The following ATP13A2 variants were observed in gnomAD, a reference collection of about 807,000 sequenced individuals.
The protein encoded by ATP13A2 is polyamine-transporting ATPase 13A2.
A neutral mutation model predicts 138.3 loss-of-function variants in ATP13A2; 83 were observed. The observed-to-expected ratio is 0.60, with a 90% CI of 0.50 to 0.72. ATP13A2 has a LOEUF of 0.72. Among genes scored for constraint, ATP13A2 ranks in the 30% least tolerant of loss-of-function variants. The pLI, the probability that ATP13A2 is intolerant of heterozygous loss-of-function variation, is 0.00. For missense variants in ATP13A2, 1,402 were observed against 1,606.4 expected, an observed-to-expected ratio of 0.87 and a Z score of 2.17; for synonymous variants, 663 against 699.0, an observed-to-expected ratio of 0.95 and a Z score of 0.81.
chr1:16,996,569 C>G (rs370050112), intron 12 of ATP13A2, 73 bp from the exon 13 acceptor site: 1 of 1,189,056 alleles, frequency 8.4e-7, no homozygotes, highest in Non-Finnish European at 1.2e-6. Context: ...CTAGCCCTCC[C>G]GACCCGTGCC....
At position 16,986,913 on chromosome 1, in the gene ATP13A2, G is replaced by C. The variant is rs1313746036; in HGVS notation, c.3127C>G (p.Pro1043Ala). The change falls in exon 27 of 29, where the codon CCC becomes GCC. Residue 1043 changes from proline to alanine, a missense_variant. Coordinates refer to ENST00000326735, the MANE Select transcript of ATP13A2 (RefSeq NM_022089.4). This position sits in a 1 kb window ranked among gnomAD's most constrained non-coding sequence, Gnocchi z 6.9. Reference sequence around the variant, plus strand: ...AAGACCACGGTGTTCTCGTAGTTGGGCAGGTTGTCTGGTGCGGCCACTGTC... The same window carrying C: ...AAGACCACGGTGTTCTCGTAGTTGGCCAGGTTGTCTGGTGCGGCCACTGTC... ...NRTVAAPDNL[P>A]NYENTVVFSL... The C allele has an allele frequency of 6.2e-7, 1 of 1,613,962 alleles. No homozygotes were observed. The highest frequency in any genetic ancestry group is 1.3e-5 in the African/African-American group (1 of 74,894).
intron 2 of ATP13A2, 22 bp downstream of exon 2, chr1:17,005,662 C>A (rs1241495645): frequency 6.2e-7 from 1 of 1,613,412 alleles, no homozygotes; most frequent in Non-Finnish European, 8.5e-7. Context: ...CAGCTTTTCC[C>A]CACCCCACTC....
rs762033589 is a variant in ATP13A2 at position 16,997,112 on chromosome 1, G to GTC, written c.1101_1102dup (p.Thr368ArgfsTer29). The GTC allele has an allele frequency of 6.2e-7, 1 of 1,613,832 alleles. No individual in the cohort carries two copies. Among genetic ancestry groups the GTC allele is most frequent in the South Asian group, 1.1e-5 (1 of 91,092 alleles). On this transcript the variant is annotated frameshift_variant, in exon 12 of 29. Coordinates refer to ENST00000326735, the MANE Select transcript of ATP13A2 (RefSeq NM_022089.4). LOFTEE classifies it high-confidence loss of function. ...GCAGAAGAGTGTGTGCCGCCGGTGT[G>GTC]TCTCTGCACAGTAGGGCCCCAGCCC...
rs951420437 is a variant in ATP13A2, at chr1:16,987,061, G to T, written c.3068C>A (p.Thr1023Asn). 1 of 1,613,452 alleles carries T rather than the reference G, an allele frequency of 6.2e-7. No individual in the cohort carries two copies. Among genetic ancestry groups the T allele is most frequent in the Non-Finnish European group, 8.5e-7 (1 of 1,179,968 alleles). The change falls in exon 26 of 29, where the codon ACC becomes AAC. Residue 1023 changes from threonine (T) to asparagine (N), a missense_variant. By Grantham distance (65) the Thr-to-Asn change is moderately conservative. Transcript: ENST00000326735. ...CCCTACTCACCATGGCTGGGCCAGG[G>T]TCAGGAAGTAGCCCCCTAGCTGCAC... ...TGVQLGGYFLTLAQPWFVPLN... is the reference protein window; with the variant it reads ...TGVQLGGYFLNLAQPWFVPLN...
Position 17,004,716 on chromosome 1 carries a change from G to C in ATP13A2, c.453C>G (p.Ser151Arg). 1.9e-6 allele frequency: 3 copies of C among 1,614,068 alleles called. No homozygotes were observed. The highest frequency in any genetic ancestry group is 2.5e-6 in the Non-Finnish European group (3 of 1,180,014). Residue 151 changes from serine to arginine, a missense_variant, in exon 5 of 29, where the codon AGC (serine) becomes AGG (arginine). Ser to Arg is a moderately radical substitution (Grantham distance 110). Transcript: ENST00000326735. The surrounding 1 kb of genome is among the most constrained non-coding windows in gnomAD (Gnocchi z 4.1). The part of the protein sequence containing the change: ...AWKDTAQLHK[S>R]EEAVSVGQKR... ...CCTGTCCGACACTCACCGCCTCCTC[G>C]CTCTTGTGGAGCTGGGCCGTATCCT...
rs534602388 is a variant in ATP13A2 at position 17,000,041 on chromosome 1, C to T, written c.1009G>A (p.Glu337Lys). ...MPCDAALVAG[E>K]CMVNESSLTG... ...AGAGAGCTCTCATTCACCATGCACT[C>T]GCCGGCCACCAGGGCGGCATCACAG... Residue 337 changes from glutamate (E) to lysine (K), a missense_variant, in exon 11 of 29, where the codon GAG (glutamate) becomes AAG (lysine). Glu to Lys is a moderately conservative substitution (Grantham distance 56). Transcript: ENST00000326735. 4.3e-6 allele frequency: 7 copies of T among 1,612,336 alleles called. No homozygotes were observed. Among genetic ancestry groups the T allele is most frequent in the East Asian group, 2.2e-5 (1 of 44,846 alleles).
At position 17,005,735 on chromosome 1, in the gene ATP13A2, G is replaced by C. The variant is rs1351241200; in HGVS notation, c.54C>G (p.Thr18=). 6.2e-7 allele frequency: 1 copy of C among 1,613,498 alleles called. No individual in the cohort carries two copies. The highest frequency in any genetic ancestry group is 1.1e-5 in the South Asian group (1 of 90,892). Residue 18 remains threonine (T), a synonymous_variant, in exon 2 of 29, where the codon ACC becomes ACG. Coordinates refer to ENST00000326735, the MANE Select transcript of ATP13A2 (RefSeq NM_022089.4). ...GATCTATTGATGTCCCTATCGTCAG[G>C]GTCCCATAACCGGTGGGCGTGCTGC... ...LVGSTPTGYG[T]LTIGTSIDPL... is the part of the protein sequence containing the mutation.
rs2077465068 is a variant in ATP13A2 at position 17,004,157 on chromosome 1, C to A, written c.557+175G>T. On this transcript the variant is annotated intron_variant, in intron 6 of 28. Transcript: ENST00000326735. This position sits in a 1 kb window ranked among gnomAD's most constrained non-coding sequence, Gnocchi z 4.1. ...CTAGGAGGCAGAAGTTATCTTCATG[C>A]CCTATTTATAGACAGAGATCCCAGG... Among the ~76,000 whole-genome samples, 1 of 152,160 alleles carries A rather than the reference C, an allele frequency of 6.6e-6. No individual in the cohort carries two copies. Among genetic ancestry groups the A allele is most frequent in the African/African-American group, 2.4e-5 (1 of 41,432 alleles).
chr1:17,011,549 C>A lies in ATP13A2; in HGVS notation c.10+180G>T, dbSNP rs1479417863. ...CAGCCCCGGCGTCTCTGGGAAGAAA[C>A]CGGGGCCGAGTCCCCGTCAAAAGGG... On this transcript the variant is annotated intron_variant, in intron 1 of 28. Coordinates refer to ENST00000326735, the MANE Select transcript of ATP13A2 (RefSeq NM_022089.4). The surrounding 1 kb of genome is among the most constrained non-coding windows in gnomAD (Gnocchi z 7.3). 3.3e-5 allele frequency among the ~76,000 whole-genome samples: 5 copies of A among 152,246 alleles called. No individual in the cohort carries two copies. The highest frequency in any genetic ancestry group is 2.6e-4 in the Admixed American group (4 of 15,306).
intron 11 of ATP13A2, among the ~76,000 whole-genome samples, chr1:16,997,414 C>CGTGGGGGG (rs2077171362): frequency 1.8e-5 from 1 of 56,642 alleles, no homozygotes; most frequent in Non-Finnish European, 3.1e-5. Context: ...CTGGAACCAG[C>CGTGGGGGG]GGGGGGGGGT....
At position 16,996,761 on chromosome 1, in the gene ATP13A2, ACATCCCTGCCCGCTC is replaced by A. The variant is rs754964601; in HGVS notation, c.1195+244_1195+258del. 1,676 of 625,564 alleles carry A rather than the reference ACATCCCTGCCCGCTC, an allele frequency of 2.7e-3. 3 individuals are homozygous for A. Among genetic ancestry groups the A allele is most frequent in the Non-Finnish European group, 4.0e-3 (1,441 of 356,038 alleles). The allele number at this position is 625,564 out of a possible 1,614,324, so 38.8% of individuals were successfully genotyped here. ...CAGGGAAGGCTCCTGCCTGCCCGCT[ACATCCCTGCCCGCTC>A]CAGCACTGTAACCCCGGCGGCTCCT... On this transcript the variant is annotated intron_variant, in intron 12 of 28. Coordinates refer to ENST00000326735, the MANE Select transcript of ATP13A2 (RefSeq NM_022089.4).
intron 11 of ATP13A2, among the ~76,000 whole-genome samples, chr1:16,999,564 G>C (rs556853364): frequency 1.3e-5 from 2 of 152,172 alleles, no homozygotes; most frequent in East Asian, 3.9e-4. Flanking sequence ...CGGCCCAGGG[G>C]TGTGAGGTTA....
chr1:17,011,325 C>T lies in ATP13A2; in HGVS notation c.10+404G>A, dbSNP rs954429184. On this transcript the variant is annotated intron_variant, in intron 1 of 28. Transcript: ENST00000326735. The surrounding 1 kb of genome is among the most constrained non-coding windows in gnomAD (Gnocchi z 7.3). ...TCATTCATTCAGCCCAGAGGGGTTG[C>T]CCAGAGGCCCGAGGATGCAGCCGTC... 2.1e-4 allele frequency among the ~76,000 whole-genome samples: 32 copies of T among 152,198 alleles called. No homozygotes were observed. The highest frequency in any genetic ancestry group is 6.0e-4 in the African/African-American group (25 of 41,544).
chr1:17,009,712 G>A (rs2077709438), intron 1 of ATP13A2, among the ~76,000 whole-genome samples: 1 of 152,016 alleles, frequency 6.6e-6, no homozygotes, highest in Non-Finnish European at 1.5e-5. Flanking sequence ...TCTTTATGAA[G>A]AAAAGGTTCT....
At chr1:16,997,209 ACCC>A in intron 11 of ATP13A2, 34 bp from the exon 12 acceptor site, 1 of 1,612,182 alleles carries the variant, frequency 6.2e-7, no homozygotes, top group Non-Finnish European at 8.5e-7. Flanking sequence ...ACCACTCCAC[ACCC>A]CTCCCTCCCA....
At chr1:17,007,639 C>A (rs1033827050) in intron 1 of ATP13A2, among the ~76,000 whole-genome samples, 38 of 151,292 alleles carry the variant, frequency 2.5e-4, no homozygotes, top group African/African-American at 9.2e-4. Context: ...GCAAGCTCTG[C>A]CTTCCGGGTT....
At position 17,005,866 on chromosome 1, in the gene ATP13A2, G is replaced by T; in HGVS notation, c.11-88C>A. ...CAATAAACATCAGCCTGGGCGCGGT[G>T]GCTCACGCCTGTAATCCCAGCACTT... is the stretch of plus-strand genomic sequence containing the variant. On this transcript the variant is annotated intron_variant, in intron 1 of 28. Transcript: ENST00000326735. 5 of 1,298,510 alleles carry T rather than the reference G, an allele frequency of 3.9e-6. No individual in the cohort carries two copies. The South Asian group carries it at 6.5e-5, about 17-fold the overall frequency. The allele number at this position is 1,298,510 out of a possible 1,614,324, so 80.4% of individuals were successfully genotyped here.
Position 16,993,640 on chromosome 1 carries a change from A to T in ATP13A2, c.1738T>A (p.Ser580Thr). 1.3e-6 allele frequency: 2 copies of T among 1,587,140 alleles called. No individual in the cohort carries two copies. Among genetic ancestry groups the T allele is most frequent in the Non-Finnish European group, 8.6e-7 (1 of 1,167,200 alleles). The part of the protein sequence containing the change: ...GDPMDLKMVE[S>T]TGWVLEEEPA... ...CTTGGCCTCCTCACCCAGCCAGTAG[A>T]CTCCACCATCTTCAAGTCCATGGGG... The change falls in exon 16 of 29, where the codon TCT becomes ACT. Residue 580 changes from serine (S) to threonine (T), a missense_variant. Ser to Thr is a moderately conservative substitution (Grantham distance 58). Coordinates refer to ENST00000326735, the MANE Select transcript of ATP13A2 (RefSeq NM_022089.4).
Position 17,011,684 on chromosome 1 carries a change from C to T in ATP13A2, c.10+45G>A. 1.4e-6 allele frequency: 2 copies of T among 1,481,090 alleles called. No individual in the cohort carries two copies. Among genetic ancestry groups the T allele is most frequent in the Non-Finnish European group, 1.8e-6 (2 of 1,122,276 alleles). 91.7% of individuals were successfully genotyped at this position (1,481,090 alleles called of 1,614,324 possible). A position where few individuals can be genotyped will look rare whatever the true frequency, so the allele number is the denominator to read the frequency against. On this transcript the variant is annotated intron_variant, in intron 1 of 28. Transcript: ENST00000326735. The surrounding 1 kb of genome is among the most constrained non-coding windows in gnomAD (Gnocchi z 7.3). Reference sequence around the variant, plus strand: ...CAAGGGGTGACGACAACTGGCGGGCCGGGGACCGCGCCGGGCTCGGGGCCG... The same window carrying T: ...CAAGGGGTGACGACAACTGGCGGGCTGGGGACCGCGCCGGGCTCGGGGCCG...
Sources: gnomAD v4.1 joint callset for allele counts (sites outside exome capture counted in the v4.1 genomes callset) on GRCh38, gnomAD v4.1.1 for gene constraint, Gnocchi (gnomAD v3.1) non-coding constraint, MANE v1.5 for transcripts, NCBI Gene and HGNC (gene_info 2026-07-23, HGNC 2026-07-21) for gene names.